ANKS1B: variants seen among roughly 807,000 people sequenced by gnomAD.
The protein encoded by ANKS1B is ankyrin repeat and sterile alpha motif domain-containing protein 1B.
A neutral mutation model predicts 148.3 loss-of-function variants in ANKS1B; 36 were observed. That is an observed-to-expected ratio of 0.24 (90% CI 0.19 to 0.32). ANKS1B has a LOEUF of 0.32. Ranked by LOEUF, ANKS1B falls within the 10% of genes least tolerant of loss-of-function variation. The probability of loss-of-function intolerance (pLI) is 1.00; values close to 1 mark genes in which losing one functional copy is unlikely to be tolerated. For missense variants in ANKS1B, 1,157 were observed against 1,542.6 expected (o/e 0.75, Z 4.19); for synonymous variants, 542 against 560.8 (o/e 0.97, Z 0.47).
chr12:99,163,516 C>A (rs1022018109), intron 14 of ANKS1B, among the ~76,000 whole-genome samples: 1 of 137,972 alleles, frequency 7.2e-6, no homozygotes, highest in Admixed American at 7.3e-5. Flanking sequence ...TAGTTCTGTA[C>A]AATTTTATCA....
chr12:99,475,891 C>A (rs2096311682), intron 10 of ANKS1B, among the ~76,000 whole-genome samples: 1 of 151,666 alleles, frequency 6.6e-6, no homozygotes, highest in Non-Finnish European at 1.5e-5. Flanking sequence ...AATCATAACA[C>A]AAATGAAAGA....
chr12:99,198,637 C>G (rs1291641987), intron 14 of ANKS1B, among the ~76,000 whole-genome samples: 1 of 152,110 alleles, frequency 6.6e-6, no homozygotes. Context: ...CTTGATGTGA[C>G]AAGGCTTTAG....
intron 1 of ANKS1B, among the ~76,000 whole-genome samples, chr12:99,856,306 A>C (rs1325703312): frequency 1.3e-5 from 2 of 152,164 alleles, no homozygotes; most frequent in African/African-American, 4.8e-5. Context: ...TAACATAGAA[A>C]ACCTAGTGGA....
chr12:98,864,577 C>A (rs938340675), intron 17 of ANKS1B, among the ~76,000 whole-genome samples: 1 of 152,164 alleles, frequency 6.6e-6, no homozygotes, highest in Non-Finnish European at 1.5e-5. Context: ...ACTGACCTCC[C>A]GCAAGCAGGA....
chr12:99,813,062 A>G (rs1034071777), intron 2 of ANKS1B, among the ~76,000 whole-genome samples: 29 of 151,810 alleles, frequency 1.9e-4, no homozygotes, highest in African/African-American at 6.5e-4. Flanking sequence ...TTTCTTCTCC[A>G]AGCATAAAAA....
chr12:99,367,966 A>G (rs1862918835), intron 12 of ANKS1B, among the ~76,000 whole-genome samples: 1 of 152,190 alleles, frequency 6.6e-6, no homozygotes, highest in Non-Finnish European at 1.5e-5. Flanking sequence ...ATGAAAATAG[A>G]AAAGTTAAAT....
At chr12:99,095,896 C>G (rs889628868) in intron 15 of ANKS1B, among the ~76,000 whole-genome samples, 5 of 152,112 alleles carry the variant, frequency 3.3e-5, no homozygotes, top group African/African-American at 9.7e-5. Context: ...GAAGGAATTT[C>G]TTTACTCTGG....
intron 12 of ANKS1B, among the ~76,000 whole-genome samples, chr12:99,274,969 T>C (rs1338201060): frequency 2.0e-5 from 3 of 152,024 alleles, no homozygotes; most frequent in Admixed American, 1.3e-4. Flanking sequence ...GTTCTAAGAG[T>C]GAGATTTCCA....
chr12:99,732,241 G>A (rs929135143), intron 8 of ANKS1B, among the ~76,000 whole-genome samples: 3 of 152,102 alleles, frequency 2.0e-5, no homozygotes, highest in African/African-American at 7.2e-5. Context: ...AAAGCAGTTT[G>A]GCAATTTCTC....
chr12:99,033,239 T>C (rs1039843530), intron 17 of ANKS1B, among the ~76,000 whole-genome samples: 2 of 152,238 alleles, frequency 1.3e-5, no homozygotes, highest in Non-Finnish European at 2.9e-5. Context: ...GATTAAAAAC[T>C]GACCTTGACT....
At chr12:99,459,876 C>G (rs1374768449) in intron 10 of ANKS1B, among the ~76,000 whole-genome samples, 2 of 152,022 alleles carry the variant, frequency 1.3e-5, no homozygotes, top group African/African-American at 4.8e-5. Flanking sequence ...AAATTACCAC[C>G]ATCATTCTTC....
At chr12:99,748,631 G>C (rs1010077486) in intron 8 of ANKS1B, among the ~76,000 whole-genome samples, 18 of 151,924 alleles carry the variant, frequency 1.2e-4, no homozygotes, top group African/African-American at 4.4e-4. Context: ...CTGCTCTCAA[G>C]TTTACATTCT....
At chr12:98,743,098 C>A (rs1368488163), downstream of ANKS1B, among the ~76,000 whole-genome samples, 1 of 152,134 alleles carries the variant, frequency 6.6e-6, no homozygotes, top group Non-Finnish European at 1.5e-5. Flanking sequence ...ATTTTCATTT[C>A]TTTTCAGAAG....
At chr12:99,781,728 C>T (rs2064349256) in intron 5 of ANKS1B, among the ~76,000 whole-genome samples, 1 of 152,146 alleles carries the variant, frequency 6.6e-6, no homozygotes, top group African/African-American at 2.4e-5. Context: ...TTACAGAAGG[C>T]AGAAATTTCC....
Position 99,597,359 on chromosome 12 carries a change from T to C in ANKS1B, c.1272+57708A>G, listed in dbSNP as rs555209112. 8.3e-4 allele frequency among the ~76,000 whole-genome samples: 127 copies of C among 152,098 alleles called. 4 individuals carry two copies. The highest frequency in any genetic ancestry group is 2.8e-4 in the Non-Finnish European group (19 of 67,914). On this transcript the variant is annotated intron_variant, in intron 9 of 26. Coordinates refer to ENST00000683438, the MANE Select transcript of ANKS1B (RefSeq NM_001352186.2). ...AATAGTTTTGTGAAATTTGGACATT[T>C]TCCCTTATGAATGAAGAATTTTGTG...
intron 17 of ANKS1B, among the ~76,000 whole-genome samples, chr12:98,910,950 C>T (rs536552400): frequency 1.3e-5 from 2 of 152,228 alleles, no homozygotes; most frequent in South Asian, 4.1e-4. Context: ...AATGGCAAGG[C>T]AGGATACTGG....
intron 10 of ANKS1B, among the ~76,000 whole-genome samples, chr12:99,489,510 A>G (rs1051025840): frequency 2.0e-5 from 3 of 152,244 alleles, no homozygotes; most frequent in Non-Finnish European, 4.4e-5. Context: ...GCTATGCTAA[A>G]AATTTTAAAG....
At chr12:99,531,499 A>G (rs1291988880) in intron 9 of ANKS1B, among the ~76,000 whole-genome samples, 3 of 152,150 alleles carry the variant, frequency 2.0e-5, no homozygotes, top group Admixed American at 6.5e-5. Flanking sequence ...ACTTAGGATA[A>G]TGGCTTCCAG....
At chr12:99,587,585 A>C (rs948245156) in intron 9 of ANKS1B, among the ~76,000 whole-genome samples, 2 of 152,238 alleles carry the variant, frequency 1.3e-5, no homozygotes, top group Non-Finnish European at 2.9e-5. Context: ...GACTTCAGTA[A>C]AGAGAAAATG....
Sources: allele counts gnomAD v4.1 joint callset (sites outside exome capture counted in the v4.1 genomes callset), GRCh38; gene constraint gnomAD v4.1.1; transcripts MANE v1.5; gene names NCBI Gene and HGNC (gene_info 2026-07-23, HGNC 2026-07-21).